Variants in RASGRP1 observed in about 807,000 individuals in gnomAD.
RASGRP1 encodes the protein RAS guanyl-releasing protein 1.
RASGRP1 carries 37 observed loss-of-function variants against 95.1 expected under a neutral mutation model. The observed-to-expected ratio is 0.39, with a 90% CI of 0.30 to 0.51. The LOEUF is 0.51. Ranked by LOEUF, RASGRP1 falls within the 20% of genes least tolerant of loss-of-function variation. The probability of loss-of-function intolerance (pLI) is 0.80; values close to 1 mark genes in which losing one functional copy is unlikely to be tolerated. For missense variants in RASGRP1, 711 were observed against 965.4 expected, an observed-to-expected ratio of 0.74 and a Z score of 3.49; for synonymous variants, 325 against 353.4, an observed-to-expected ratio of 0.92 and a Z score of 0.90.
chr15:38,511,576 G>T, intron 8 of RASGRP1, 28 bp downstream of exon 8: 1 of 1,544,876 alleles, frequency 6.5e-7, no homozygotes, highest in Non-Finnish European at 8.9e-7. Flanking sequence ...ATGCTGCTAA[G>T]GGCCCCAGAG....
intron 3 of RASGRP1, chr15:38,524,104 G>A (rs2141136239): frequency 6.6e-6 from 1 of 152,336 alleles, no homozygotes; most frequent in Admixed American, 6.5e-5. Context: ...TAGGTTAGAT[G>A]GCTGGGTGCC....
At chr15:38,507,055 CTG>C (rs760294668) in intron 9 of RASGRP1, among the ~76,000 whole-genome samples, 2 of 152,202 alleles carry the variant, frequency 1.3e-5, no homozygotes, top group Non-Finnish European at 2.9e-5. Context: ...AGGTTAAAAA[CTG>C]TGTAACTTTA....
chr15:38,560,104 A>C, intron 1 of RASGRP1, 99 bp from the exon 2 acceptor site: 244 of 1,144,662 alleles, frequency 2.1e-4, no homozygotes, highest in Non-Finnish European at 2.9e-4. Flanking sequence ...AATTAATCTC[A>C]GGAGCTGGGC....
chr15:38,524,972 T>C (rs1255646907), intron 3 of RASGRP1, among the ~76,000 whole-genome samples: 3 of 30,292 alleles, frequency 9.9e-5, no homozygotes, highest in African/African-American at 2.4e-4. Context: ...TTTTCTTTCT[T>C]TTTTTTTTTT....
chr15:38,496,554 A>C (rs1227344623), intron 15 of RASGRP1, among the ~76,000 whole-genome samples: 1 of 152,246 alleles, frequency 6.6e-6, no homozygotes, highest in East Asian at 1.9e-4. Context: ...TACAGAGTGC[A>C]TGAATGAAAT....
intron 13 of RASGRP1, among the ~76,000 whole-genome samples, chr15:38,500,676 T>G (rs1595824635): frequency 3.3e-5 from 5 of 152,202 alleles, no homozygotes; most frequent in Admixed American, 6.5e-5. Context: ...CCAGACATTC[T>G]CGAGAAATGG....
At chr15:38,511,570 T>C (rs369657613) in intron 8 of RASGRP1, 34 bp downstream of exon 8, 2 of 1,521,724 alleles carry the variant, frequency 1.3e-6, no homozygotes, top group South Asian at 1.1e-5. Flanking sequence ...TTGAGAATGC[T>C]GCTAAGGGCC....
intron 1 of RASGRP1, chr15:38,560,428 T>A (rs1893757246): frequency 4.1e-6 from 1 of 242,256 alleles, no homozygotes; most frequent in African/African-American, 2.2e-5. Context: ...ACGTCTGTAA[T>A]CCCAGCACCT....
In RASGRP1 at chr15:38,503,382, A is replaced by G; in HGVS notation, c.1324-6T>C. 1 of 1,582,492 alleles carries G rather than the reference A, an allele frequency of 6.3e-7. No individual in the cohort carries two copies. Among genetic ancestry groups the G allele is most frequent in the Non-Finnish European group, 8.6e-7 (1 of 1,156,372 alleles). On this transcript the variant is annotated splice_polypyrimidine_tract_variant and splice_region_variant and intron_variant, in intron 10 of 16. Transcript: ENST00000310803. Reference sequence around the variant, plus strand: ...GGCTTTGAAGGTGTTAGTGGCTAAAATGAAATATTTAGAGAAATCCTCATG... The same window carrying G: ...GGCTTTGAAGGTGTTAGTGGCTAAAGTGAAATATTTAGAGAAATCCTCATG...
In RASGRP1 at chr15:38,499,074, T is replaced by G. The variant is rs1172759706; in HGVS notation, c.1721-128A>C. On this transcript the variant is annotated intron_variant, in intron 14 of 16. Coordinates refer to ENST00000310803, the MANE Select transcript of RASGRP1 (RefSeq NM_005739.4). Reference sequence around the variant, plus strand: ...GTTCTATCTTCTGGAGCTAAGACACTTAACATTCCTAATGAAGCTAGCATT... The same window carrying G: ...GTTCTATCTTCTGGAGCTAAGACACGTAACATTCCTAATGAAGCTAGCATT... The G allele has an allele frequency of 1.6e-5, 20 of 1,250,940 alleles. No individual in the cohort carries two copies. In the South Asian group the frequency reaches 2.3e-4, roughly 14 times the overall value. 77.5% of individuals were successfully genotyped at this position (1,250,940 alleles called of 1,614,324 possible).
chr15:38,501,278 GAGGCCTT>G lies in RASGRP1; in HGVS notation c.1541_1547del (p.Glu514AlafsTer12). On this transcript the variant is annotated frameshift_variant and splice_region_variant, in exon 13 of 17. Coordinates refer to ENST00000310803, the MANE Select transcript of RASGRP1 (RefSeq NM_005739.4). LOFTEE classifies it high-confidence loss of function. ...AGGCTGTGATCTCATCCCTGCTGAT[GAGGCCTT>G]CCCTGCCGGCAGATGACCAAGGCAA... The G allele has an allele frequency of 6.2e-7, 1 of 1,613,044 alleles. No individual in the cohort carries two copies. Among genetic ancestry groups the G allele is most frequent in the African/African-American group, 1.3e-5 (1 of 75,024 alleles).
At chr15:38,559,400 A>G (rs1361057767) in intron 2 of RASGRP1, among the ~76,000 whole-genome samples, 1 of 152,228 alleles carries the variant, frequency 6.6e-6, no homozygotes, top group South Asian at 2.1e-4. Context: ...TCCAGATTGC[A>G]AGGGGAATTA....
At chr15:38,552,801 A>G (rs1453368971) in intron 2 of RASGRP1, among the ~76,000 whole-genome samples, 1 of 152,232 alleles carries the variant, frequency 6.6e-6, no homozygotes, top group African/African-American at 2.4e-5. Flanking sequence ...TGCTCTTGTG[A>G]GCTGGTATGA....
At chr15:38,529,353 T>C (rs1892352313) in intron 2 of RASGRP1, among the ~76,000 whole-genome samples, 1 of 152,168 alleles carries the variant, frequency 6.6e-6, no homozygotes, top group South Asian at 2.1e-4. Context: ...ATCCACTTCA[T>C]TTCATACCAC....
intron 10 of RASGRP1, chr15:38,503,823 T>C (rs1891139775): frequency 9.1e-6 from 2 of 219,694 alleles, no homozygotes; most frequent in Non-Finnish European, 1.8e-5. Flanking sequence ...CTTTTCTAAA[T>C]ACAGTCATGC....
At chr15:38,513,760 G>A (rs1319157727) in intron 6 of RASGRP1, among the ~76,000 whole-genome samples, 1 of 152,210 alleles carries the variant, frequency 6.6e-6, no homozygotes, top group African/African-American at 2.4e-5. Context: ...TCAAATCACA[G>A]TCTGTTTCTC....
chr15:38,501,898 A>T (rs1052132992), intron 12 of RASGRP1, among the ~76,000 whole-genome samples: 1 of 148,888 alleles, frequency 6.7e-6, no homozygotes. Context: ...CTTGTGGCCC[A>T]GGCTGGAGTG....
At chr15:38,536,246 G>A (rs988129992) in intron 2 of RASGRP1, among the ~76,000 whole-genome samples, 7 of 152,156 alleles carry the variant, frequency 4.6e-5, no homozygotes, top group Non-Finnish European at 1.0e-4. Context: ...CAGCACTATA[G>A]ACATGAGCCA....
chr15:38,564,240 GA>G (rs1381031801), intron 1 of RASGRP1, among the ~76,000 whole-genome samples: 2 of 152,214 alleles, frequency 1.3e-5, no homozygotes, highest in Non-Finnish European at 2.9e-5. Context: ...GGGCAGCGCG[GA>G]AAGTCCGCGA....
Sources: gnomAD v4.1 joint callset for allele counts (sites outside exome capture counted in the v4.1 genomes callset) on GRCh38, gnomAD v4.1.1 for gene constraint, MANE v1.5 for transcripts, NCBI Gene and HGNC (gene_info 2026-07-23, HGNC 2026-07-21) for gene names.